Variants in CNGB1 observed in about 807,000 individuals in gnomAD.
CNGB1 encodes cyclic nucleotide-gated channel beta-1.
A neutral mutation model predicts 151.7 loss-of-function variants in CNGB1; 126 were observed. The ratio of observed to expected loss-of-function variants is 0.83; its 90% confidence interval spans 0.72 to 0.96. The LOEUF (loss-of-function observed/expected upper bound fraction) is 0.96, where lower values mean the gene tolerates loss of function less well. CNGB1 is among the 40% of genes least tolerant of loss of function. CNGB1 has a pLI of 0.00. For synonymous variants in CNGB1, 623 were observed against 635.1 expected (o/e 0.98, Z 0.29); for missense variants, 1,698 against 1,627.0 (o/e 1.04, Z -0.75).
intron 15 of CNGB1, 79 bp downstream of exon 15, chr16:57,940,155 G>T: frequency 7.2e-7 from 1 of 1,384,698 alleles, no homozygotes; most frequent in Non-Finnish European, 1.0e-6. Context: ...CCCCCTGTAA[G>T]CAAAGTGGAC....
chr16:57,902,155 C>G (rs1041422820), intron 27 of CNGB1, among the ~76,000 whole-genome samples: 4 of 152,084 alleles, frequency 2.6e-5, no homozygotes, highest in African/African-American at 9.7e-5. Flanking sequence ...ACTGCAACCT[C>G]CACCTCCCTA....
Position 57,960,711 on chromosome 16 carries a change from A to T in CNGB1, c.534+129T>A, listed in dbSNP as rs548600020. 1,755 of 1,264,304 alleles carry T rather than the reference A, an allele frequency of 1.4e-3. 19 individuals carry two copies. In the Admixed American group the frequency reaches 0.02, roughly 14 times the overall value. 78.3% of individuals were successfully genotyped at this position (1,264,304 alleles called of 1,614,324 possible). A position where few individuals can be genotyped will look rare whatever the true frequency, so the allele number is the denominator to read the frequency against. On this transcript the variant is annotated intron_variant, in intron 8 of 32. Coordinates refer to ENST00000251102, the MANE Select transcript of CNGB1 (RefSeq NM_001297.5). Reference sequence around the variant, plus strand: ...ACTCCTCCCCATAGAGGACTCTCCAAAGTGGGGCATCGCCCCCTCATGAGT... The same window carrying T: ...ACTCCTCCCCATAGAGGACTCTCCATAGTGGGGCATCGCCCCCTCATGAGT...
In CNGB1 at chr16:57,920,388, G is replaced by C. The variant is rs1960997195; in HGVS notation, c.1800C>G (p.Pro600=). The change falls in exon 19 of 33, where the codon CCC becomes CCG. Residue 600 remains proline (P), a splice_region_variant and synonymous_variant. Transcript: ENST00000251102. ...GACCCCCTCCAGCTCCAGACTCACA[G>C]GGCTTGGGGCTCTCCTCATCAGAGG... ...DVTSDEESPK[P]SPAKKAPEPA... 6.2e-7 allele frequency: 1 copy of C among 1,614,016 alleles called. No homozygotes were observed. Among genetic ancestry groups the C allele is most frequent in the African/African-American group, 1.3e-5 (1 of 74,926 alleles).
In CNGB1 at chr16:57,949,323, C is replaced by G. The variant is rs770960243; in HGVS notation, c.1121+30G>C. On this transcript the variant is annotated intron_variant, in intron 14 of 32. Transcript: ENST00000251102. ...GCTCAGCCAACCCCAGCCCCAGGGCCGTTCCCAGACAGGTGAGCAAATGAC... is the reference window on the plus strand; with the variant it reads ...GCTCAGCCAACCCCAGCCCCAGGGCGGTTCCCAGACAGGTGAGCAAATGAC... 4 of 1,604,826 alleles carry G rather than the reference C, an allele frequency of 2.5e-6. No individual in the cohort carries two copies. The East Asian group carries it at 8.9e-5, about 36-fold the overall frequency.
intron 1 of CNGB1, 73 bp from the exon 2 acceptor site, chr16:57,967,367 T>TAA (rs1962427117): frequency 1.4e-6 from 2 of 1,452,362 alleles, no homozygotes; most frequent in Non-Finnish European, 1.9e-6. Flanking sequence ...GCCACTCTTA[T>TAA]GAGTTGTACA....
chr16:57,903,438 G>A (rs1392218701), intron 27 of CNGB1, among the ~76,000 whole-genome samples: 2 of 152,106 alleles, frequency 1.3e-5, no homozygotes, highest in African/African-American at 2.4e-5. Flanking sequence ...GTTGCAGTGA[G>A]CCAAGATTGC....
chr16:57,943,944 A>G (rs1395234005), intron 14 of CNGB1, among the ~76,000 whole-genome samples: 2 of 151,778 alleles, frequency 1.3e-5, no homozygotes, highest in East Asian at 1.9e-4. Flanking sequence ...CTGGAGTGCA[A>G]TGACGCGATC....
intron 12 of CNGB1, among the ~76,000 whole-genome samples, chr16:57,953,697 C>T (rs903656792): frequency 1.3e-5 from 2 of 151,902 alleles, no homozygotes; most frequent in Admixed American, 1.3e-4. Flanking sequence ...CTTCCTCTGC[C>T]TCTCCCTGGC....
chr16:57,915,496 C>T (rs1414451004), intron 22 of CNGB1, among the ~76,000 whole-genome samples, 161 bp from the exon 23 acceptor site: 1 of 152,204 alleles, frequency 6.6e-6, no homozygotes, highest in Non-Finnish European at 1.5e-5. Flanking sequence ...CCGACAAGCC[C>T]TTGTTTGGCT....
intron 25 of CNGB1, among the ~76,000 whole-genome samples, chr16:57,906,389 A>G (rs537181224): frequency 2.3e-4 from 35 of 152,328 alleles, no homozygotes; most frequent in African/African-American, 7.9e-4. Flanking sequence ...AACTGAACAG[A>G]TTCGCCCATA....
Position 57,964,198 on chromosome 16 carries a change from G to A in CNGB1, c.222C>T (p.Thr74=). The change falls in exon 4 of 33, where the codon ACC becomes ACT. Residue 74 remains threonine (T), a synonymous_variant. Transcript: ENST00000251102. Reference sequence around the variant, plus strand: ...TGGTGGAAGTAAGGGCAGCCTCCTTGGTCTCTGGAAAAGAATCTCTCATCC... The same window carrying A: ...TGGTGGAAGTAAGGGCAGCCTCCTTAGTCTCTGGAAAAGAATCTCTCATCC... ...VAVADPSPQE[T]KEAALTSTIS... 6.2e-7 allele frequency: 1 copy of A among 1,614,120 alleles called. No homozygotes were observed. Among genetic ancestry groups the A allele is most frequent in the South Asian group, 1.1e-5 (1 of 91,070 alleles).
intron 27 of CNGB1, among the ~76,000 whole-genome samples, chr16:57,902,084 G>A (rs1213724868): frequency 6.6e-6 from 1 of 151,814 alleles, no homozygotes; most frequent in Admixed American, 6.6e-5. Flanking sequence ...TGTTGTTGTT[G>A]TTGTTTTAGA....
intron 17 of CNGB1, among the ~76,000 whole-genome samples, chr16:57,928,863 C>A (rs1270689830): frequency 3.3e-5 from 5 of 152,046 alleles, no homozygotes; most frequent in Non-Finnish European, 7.4e-5. Context: ...GGTCTCAAAC[C>A]CCTGACCTCA....
rs1382676993 is a variant in CNGB1, at chr16:57,950,448, T to C, written c.967A>G (p.Ser323Gly). Residue 323 changes from serine to glycine, a missense_variant, in exon 13 of 33, where the codon AGC becomes GGC. Transcript: ENST00000251102. The part of the protein sequence containing the change: ...WEDAHQDVST[S>G]PQGTEVVPAY... The stretch of plus-strand genomic sequence containing the variant: ...GGAACCACCTCTGTACCCTGTGGGC[T>C]GGTACTGACATCCTGGTGGGCATCC... 1 of 1,614,264 alleles carries C rather than the reference T, an allele frequency of 6.2e-7. No individual in the cohort carries two copies. The highest frequency in any genetic ancestry group is 1.1e-5 in the South Asian group (1 of 91,090).
At chr16:57,910,695 T>C (rs11394471) in intron 25 of CNGB1, among the ~76,000 whole-genome samples, 20,410 of 144,394 alleles carry the variant, frequency 0.14, 1,732 homozygotes, top group Non-Finnish European at 0.17. Context: ...TTTTTTTTTT[T>C]CCCAAGCAGA....
intron 16 of CNGB1, among the ~76,000 whole-genome samples, chr16:57,935,848 C>A (rs1411162192): frequency 6.6e-6 from 1 of 151,928 alleles, no homozygotes; most frequent in Non-Finnish European, 1.5e-5. Context: ...AAGATGGAGG[C>A]CGGGGTGGCA....
chr16:57,935,042 T>C, intron 16 of CNGB1, among the ~76,000 whole-genome samples: 1 of 140,906 alleles, frequency 7.1e-6, no homozygotes, highest in African/African-American at 2.6e-5. Flanking sequence ...CAAGACTCCA[T>C]CTCAAAAAAA....
chr16:57,945,579 C>T (rs1961786312), intron 14 of CNGB1, among the ~76,000 whole-genome samples: 1 of 152,218 alleles, frequency 6.6e-6, no homozygotes, highest in Non-Finnish European at 1.5e-5. Context: ...GAGAATCTCA[C>T]AGAAAAGTCA....
chr16:57,954,770 G>A, intron 12 of CNGB1: 1 of 989,320 alleles, frequency 1.0e-6, no homozygotes. Flanking sequence ...GTGTGGCCAG[G>A]CCTAGGGAGA....
Sources: allele counts gnomAD v4.1 joint callset (sites outside exome capture counted in the v4.1 genomes callset), GRCh38; gene constraint gnomAD v4.1.1; transcripts MANE v1.5; gene names NCBI Gene and HGNC (gene_info 2026-07-23, HGNC 2026-07-21).